FBXL13: variants seen among roughly 807,000 people sequenced by gnomAD.
FBXL13 encodes F-box and leucine rich repeat protein 13.
Under a neutral mutation model 83.6 loss-of-function variants are expected in FBXL13, and 67 were observed. That is an observed-to-expected ratio of 0.80 (90% CI 0.66 to 0.98). The LOEUF (loss-of-function observed/expected upper bound fraction) is 0.98, where lower values mean the gene tolerates loss of function less well. Among genes scored for constraint, FBXL13 ranks in the 50% least tolerant of loss-of-function variants. The pLI is 0.00. For missense variants in FBXL13, 822 were observed against 866.5 expected (o/e 0.95, Z 0.64); for synonymous variants, 272 against 299.5 (o/e 0.91, Z 0.95).
intron 1 of FBXL13, among the ~76,000 whole-genome samples, chr7:103,062,067 A>G (rs11977138): frequency 0.011 from 1,588 of 150,806 alleles, 33 homozygotes; most frequent in African/African-American, 0.037. Context: ...TTAAAACCAT[A>G]ATTTGTAGAT....
chr7:102,916,648 C>T (rs1244559326), intron 10 of FBXL13, among the ~76,000 whole-genome samples: 1 of 152,144 alleles, frequency 6.6e-6, no homozygotes, highest in Non-Finnish European at 1.5e-5. Flanking sequence ...TGAATTTTGG[C>T]AAAGACGCGT....
intron 8 of FBXL13, among the ~76,000 whole-genome samples, chr7:102,962,754 T>C (rs1183491684): frequency 6.6e-6 from 1 of 150,736 alleles, no homozygotes; most frequent in African/African-American, 2.4e-5. Context: ...ACACCACATA[T>C]TCTCACTCAT....
At chr7:102,944,553 A>T (rs766689706) in intron 8 of FBXL13, 2 of 1,613,482 alleles carry the variant, frequency 1.2e-6, no homozygotes, top group Middle Eastern at 3.3e-4. Context: ...GGGAAAAAAA[A>T]CATAGAGATC....
intron 15 of FBXL13, 136 bp from the exon 17 acceptor site, chr7:102,877,729 C>T: frequency 1.2e-6 from 1 of 801,656 alleles, no homozygotes; most frequent in Non-Finnish European, 1.9e-6. Context: ...AAAAGTAAGA[C>T]TAAAAGTAGA....
At chr7:103,009,040 T>C (rs2129486300) in intron 6 of FBXL13, among the ~76,000 whole-genome samples, 1 of 152,070 alleles carries the variant, frequency 6.6e-6, no homozygotes, top group South Asian at 2.1e-4. Flanking sequence ...TTAAAATGCA[T>C]ATTTTAAATC....
chr7:102,985,158 C>A (rs1278416635), intron 6 of FBXL13, among the ~76,000 whole-genome samples: 1 of 152,188 alleles, frequency 6.6e-6, no homozygotes, highest in Non-Finnish European at 1.5e-5. Context: ...GGCTTCATAC[C>A]CACACCACTG....
At chr7:102,881,461 T>G (rs1043033299) in intron 14 of FBXL13, among the ~76,000 whole-genome samples, 4 of 133,586 alleles carry the variant, frequency 3.0e-5, no homozygotes, top group African/African-American at 5.6e-5. Flanking sequence ...AAAAAAAGAA[T>G]AATTAACCCG....
At chr7:102,925,337 G>A (rs1477370984) in intron 10 of FBXL13, among the ~76,000 whole-genome samples, 4 of 152,156 alleles carry the variant, frequency 2.6e-5, no homozygotes, top group Non-Finnish European at 5.9e-5. Context: ...TGAGGCTGCC[G>A]TAAGCCATGA....
chr7:103,013,667 C>A (rs1007119127), intron 6 of FBXL13, among the ~76,000 whole-genome samples: 1 of 151,860 alleles, frequency 6.6e-6, no homozygotes, highest in Non-Finnish European at 1.5e-5. Context: ...CACTAAACAC[C>A]CACATCAAAA....
intron 10 of FBXL13, among the ~76,000 whole-genome samples, chr7:102,923,456 T>C (rs765206021): frequency 1.7e-4 from 26 of 152,174 alleles, no homozygotes; most frequent in Non-Finnish European, 3.7e-4. Flanking sequence ...CATAAATAAC[T>C]ACAAGAACAC....
intron 1 of FBXL13, among the ~76,000 whole-genome samples, chr7:103,062,025 C>CAAA (rs59881447): frequency 3.7e-4 from 37 of 99,788 alleles, no homozygotes; most frequent in Middle Eastern, 6.9e-3. Flanking sequence ...TCATAATTAC[C>CAAA]AAAAAAAAAA....
intron 6 of FBXL13, among the ~76,000 whole-genome samples, chr7:102,999,728 C>G (rs1316976768): frequency 6.6e-6 from 1 of 151,876 alleles, no homozygotes; most frequent in Non-Finnish European, 1.5e-5. Context: ...TCTAATGATC[C>G]TTGGTATCTC....
At position 102,954,133 on chromosome 7, in the gene FBXL13, T is replaced by G. The variant is rs1017664513; in HGVS notation, c.724+9400A>C. Among the ~76,000 whole-genome samples the G allele has an allele frequency of 5.3e-5, 8 of 152,238 alleles. No individual in the cohort carries two copies. The East Asian group carries it at 1.5e-3, about 29-fold the overall frequency. ...AGCCAAAGCAGGGCAGAGCATCGCC[T>G]CACCCAGGAAGCACAAGGGGTCGGG... is the stretch of plus-strand genomic sequence containing the variant. On this transcript the variant is annotated intron_variant, in intron 8 of 19. Coordinates refer to ENST00000313221, the Ensembl canonical transcript of FBXL13.
intron 8 of FBXL13, chr7:102,934,232 C>T: frequency 6.2e-7 from 1 of 1,614,188 alleles, no homozygotes; most frequent in Non-Finnish European, 8.5e-7. Context: ...GTTTAAAAAG[C>T]TGAAAAGCCT....
At chr7:102,907,318 T>C (rs1198729617) in intron 11 of FBXL13, among the ~76,000 whole-genome samples, 2 of 152,164 alleles carry the variant, frequency 1.3e-5, no homozygotes, top group Non-Finnish European at 2.9e-5. Context: ...TTGTTTTTCA[T>C]TCTTTTTTTT....
At chr7:102,977,295 C>T (rs556993463) in intron 6 of FBXL13, among the ~76,000 whole-genome samples, 1 of 152,304 alleles carries the variant, frequency 6.6e-6, no homozygotes, top group Non-Finnish European at 1.5e-5. Context: ...CGCACAACGA[C>T]AAAAACAAAT....
intron 6 of FBXL13, chr7:102,973,876 C>T: frequency 2.9e-6 from 2 of 688,012 alleles, no homozygotes; most frequent in Admixed American, 2.2e-5. Context: ...CCGACGTGTG[C>T]CAGGTACTTG....
intron 16 of FBXL13, among the ~76,000 whole-genome samples, chr7:102,874,994 T>A (rs1271041613): frequency 6.6e-6 from 1 of 152,202 alleles, no homozygotes; most frequent in African/African-American, 2.4e-5. Context: ...CTCCATTCAG[T>A]CAACAAATAT....
intron 6 of FBXL13, among the ~76,000 whole-genome samples, chr7:103,022,864 AC>A (rs201860841): frequency 0.014 from 2,204 of 152,372 alleles, 20 homozygotes; most frequent in Middle Eastern, 0.031. Flanking sequence ...AGCAAAAGAA[AC>A]TATCAACAGA....
Sources: gnomAD v4.1 joint callset for allele counts (sites outside exome capture counted in the v4.1 genomes callset) on GRCh38, gnomAD v4.1.1 for gene constraint, MANE v1.5 for transcripts, NCBI Gene and HGNC (gene_info 2026-07-23, HGNC 2026-07-21) for gene names.